OPCML: variants seen among roughly 807,000 people sequenced by gnomAD.
The protein encoded by OPCML is opioid-binding protein/cell adhesion molecule.
A neutral mutation model predicts 37.8 loss-of-function variants in OPCML; 13 were observed. That is an observed-to-expected ratio of 0.34 (90% CI 0.22 to 0.55). OPCML has a LOEUF of 0.55. Ranked by LOEUF, OPCML falls within the 20% of genes least tolerant of loss-of-function variation. The probability of loss-of-function intolerance (pLI) is 0.91; values close to 1 mark genes in which losing one functional copy is unlikely to be tolerated. For synonymous variants in OPCML, 176 were observed against 168.8 expected, an observed-to-expected ratio of 1.04 and a Z score of -0.33; for missense variants, 341 against 435.6, an observed-to-expected ratio of 0.78 and a Z score of 1.93.
At chr11:133,003,184 A>G (rs1179351441) in intron 1 of OPCML, among the ~76,000 whole-genome samples, 2 of 152,236 alleles carry the variant, frequency 1.3e-5, no homozygotes, top group East Asian at 3.8e-4. Context: ...GCTATAACAA[A>G]TTTCCACAAA....
chr11:133,120,207 T>C (rs1052734635), intron 1 of OPCML, among the ~76,000 whole-genome samples: 4 of 152,186 alleles, frequency 2.6e-5, no homozygotes, highest in African/African-American at 4.8e-5. Context: ...TTCTAACATA[T>C]ATATTTGTGT....
chr11:133,012,703 C>A (rs551998004), intron 1 of OPCML, among the ~76,000 whole-genome samples: 1 of 152,016 alleles, frequency 6.6e-6, no homozygotes, highest in East Asian at 1.9e-4. Flanking sequence ...TGGAGAAACC[C>A]CATCTCTACT....
intron 2 of OPCML, among the ~76,000 whole-genome samples, chr11:132,659,707 T>C (rs1404926824): frequency 3.0e-5 from 4 of 133,100 alleles, no homozygotes; most frequent in Non-Finnish European, 6.4e-5. Flanking sequence ...AAAATTCCTG[T>C]GTGTGTGTGT....
intron 3 of OPCML, among the ~76,000 whole-genome samples, chr11:132,644,723 C>A (rs186242795): frequency 2.0e-5 from 3 of 152,154 alleles, no homozygotes; most frequent in African/African-American, 7.2e-5. Context: ...AGTGTGCCAC[C>A]GACCCTTATA....
chr11:133,520,688 T>G (rs1450584434), intron 1 of OPCML, among the ~76,000 whole-genome samples: 2 of 152,192 alleles, frequency 1.3e-5, no homozygotes, highest in African/African-American at 4.8e-5. Context: ...CTACTTTTAG[T>G]AGTGACTGCA....
intron 2 of OPCML, among the ~76,000 whole-genome samples, chr11:132,736,449 T>C (rs1945262737): frequency 6.6e-6 from 1 of 152,218 alleles, no homozygotes; most frequent in Non-Finnish European, 1.5e-5. Flanking sequence ...GGGTGAACTG[T>C]GATGGCCAAC....
At chr11:132,798,899 T>G (rs7940728) in intron 2 of OPCML, among the ~76,000 whole-genome samples, 71,878 of 152,044 alleles carry the variant, frequency 0.47, 17,177 homozygotes, top group Admixed American at 0.51. Context: ...GAAGTGAATC[T>G]TTTTTTCTGA....
chr11:132,706,809 G>A (rs1944051315), intron 2 of OPCML, among the ~76,000 whole-genome samples: 1 of 152,124 alleles, frequency 6.6e-6, no homozygotes, highest in Non-Finnish European at 1.5e-5. Flanking sequence ...CATCTAATTA[G>A]GGGTTTATTT....
intron 1 of OPCML, among the ~76,000 whole-genome samples, chr11:133,051,299 C>T (rs1197615837): frequency 6.6e-6 from 1 of 152,056 alleles, no homozygotes; most frequent in Non-Finnish European, 1.5e-5. Flanking sequence ...ATTTTATTAC[C>T]CGTATTTTAC....
At chr11:133,207,332 C>T (rs1471330625) in intron 1 of OPCML, among the ~76,000 whole-genome samples, 1 of 151,832 alleles carries the variant, frequency 6.6e-6, no homozygotes, top group Non-Finnish European at 1.5e-5. Context: ...AAAAAGAGAA[C>T]ATCTCCGTCT....
At chr11:133,341,956 A>T (rs1452164748) in intron 1 of OPCML, among the ~76,000 whole-genome samples, 1 of 152,094 alleles carries the variant, frequency 6.6e-6, no homozygotes, top group African/African-American at 2.4e-5. Context: ...ACTCCTGTGA[A>T]TCGGAACCAG....
At chr11:133,129,577 C>T (rs892706297) in intron 1 of OPCML, among the ~76,000 whole-genome samples, 4 of 152,068 alleles carry the variant, frequency 2.6e-5, no homozygotes, top group African/African-American at 9.7e-5. Context: ...ATTCCCCATG[C>T]CTGGCATTTA....
At chr11:132,538,000 G>GT (rs1285024226) in intron 3 of OPCML, among the ~76,000 whole-genome samples, 1 of 152,192 alleles carries the variant, frequency 6.6e-6, no homozygotes, top group Non-Finnish European at 1.5e-5. Flanking sequence ...AGGACAGTCT[G>GT]TAAGTTCTTC....
At chr11:132,900,683 C>A (rs1045557201) in intron 2 of OPCML, among the ~76,000 whole-genome samples, 2 of 152,176 alleles carry the variant, frequency 1.3e-5, no homozygotes, top group African/African-American at 4.8e-5. Flanking sequence ...CTCCTTCCTG[C>A]CCTATGGGCT....
intron 3 of OPCML, among the ~76,000 whole-genome samples, chr11:132,568,458 A>T (rs2096429566): frequency 6.6e-6 from 1 of 152,234 alleles, no homozygotes; most frequent in East Asian, 1.9e-4. Flanking sequence ...CTTTGCAGAC[A>T]TAACTATACT....
intron 1 of OPCML, among the ~76,000 whole-genome samples, chr11:133,178,822 T>C (rs1305605242): frequency 6.6e-6 from 1 of 152,182 alleles, no homozygotes; most frequent in South Asian, 2.1e-4. Context: ...TTGCTCAAAT[T>C]CCAAAATGAG....
intron 2 of OPCML, among the ~76,000 whole-genome samples, chr11:132,682,483 C>T (rs1942991417): frequency 6.6e-6 from 1 of 152,126 alleles, no homozygotes; most frequent in African/African-American, 2.4e-5. Flanking sequence ...CAAACCCTTG[C>T]TAAAAGGAAT....
At chr11:133,111,885 G>A (rs1009502590) in intron 1 of OPCML, among the ~76,000 whole-genome samples, 11 of 152,118 alleles carry the variant, frequency 7.2e-5, no homozygotes, top group Admixed American at 2.6e-4. Flanking sequence ...GATGGGTGGA[G>A]GATGTTTATA....
At chr11:133,168,590 A>C (rs1950246105) in intron 1 of OPCML, among the ~76,000 whole-genome samples, 1 of 152,328 alleles carries the variant, frequency 6.6e-6, no homozygotes, top group African/African-American at 2.4e-5. Flanking sequence ...CAGTTTATAA[A>C]ATTTATGGTG....
Sources: allele counts gnomAD v4.1 joint callset (sites outside exome capture counted in the v4.1 genomes callset), GRCh38; gene constraint gnomAD v4.1.1; transcripts MANE v1.5; gene names NCBI Gene and HGNC (gene_info 2026-07-23, HGNC 2026-07-21).